The following GGCX variants were observed in gnomAD, a reference collection of about 807,000 sequenced individuals.
GGCX encodes the protein vitamin K-dependent gamma-carboxylase.
GGCX carries 63 observed loss-of-function variants against 88.5 expected under a neutral mutation model. The observed-to-expected ratio is 0.71, with a 90% CI of 0.58 to 0.88. The LOEUF is 0.88. Ranked by LOEUF, GGCX falls within the 40% of genes least tolerant of loss-of-function variation. The probability of loss-of-function intolerance (pLI) is 0.00; values close to 1 mark genes in which losing one functional copy is unlikely to be tolerated. For missense variants in GGCX, 805 were observed against 932.9 expected, an observed-to-expected ratio of 0.86 and a Z score of 1.79; for synonymous variants, 368 against 365.8, an observed-to-expected ratio of 1.01 and a Z score of -0.07.
chr2:85,558,610 G>C lies in GGCX; in HGVS notation c.374-5C>G. 6.2e-7 allele frequency: 1 copy of C among 1,610,614 alleles called. No homozygotes were observed. The highest frequency in any genetic ancestry group is 8.5e-7 in the Non-Finnish European group (1 of 1,176,772). ...CCAGCATCATGCCCAGTGCCCCTGGGATTTGTAGGGAGAGGATTAAGAGGT... is the reference window on the plus strand; with the variant it reads ...CCAGCATCATGCCCAGTGCCCCTGGCATTTGTAGGGAGAGGATTAAGAGGT... On this transcript the variant is annotated splice_polypyrimidine_tract_variant and splice_region_variant and intron_variant, in intron 3 of 14. Transcript: ENST00000233838.
At position 85,553,307 on chromosome 2, in the gene GGCX, A is replaced by C; in HGVS notation, c.1080T>G (p.His360Gln). 1 of 1,614,196 alleles carries C rather than the reference A, an allele frequency of 6.2e-7. No homozygotes were observed. The highest frequency in any genetic ancestry group is 8.5e-7 in the Non-Finnish European group (1 of 1,179,996). The change falls in exon 8 of 15, where the codon CAT becomes CAG. Residue 360 changes from histidine to glutamine, a missense_variant. His to Gln is a conservative substitution (Grantham distance 24, BLOSUM62 0). Transcript: ENST00000233838. ...GCAGGGTGAAGGCAGCTCCCAGCTG[A>C]TGGCGCAGCCCTGGCTTCTGGCCAC... Reference protein sequence around the residue: ...GKSGQKPGLRHQLGAAFTLLY... With the variant: ...GKSGQKPGLRQQLGAAFTLLY...
chr2:85,552,017 GCCAC>G, intron 10 of GGCX, 36 bp from the exon 11 acceptor site: 1 of 1,517,296 alleles, frequency 6.6e-7, no homozygotes, highest in Non-Finnish European at 9.2e-7. Flanking sequence ...GGACATCACA[GCCAC>G]CCACCCACCA....
At chr2:85,553,542 G>A (rs760439711) in intron 7 of GGCX, 45 bp from the exon 8 acceptor site, 1 of 1,600,808 alleles carries the variant, frequency 6.2e-7, no homozygotes, top group Non-Finnish European at 8.5e-7. Flanking sequence ...GTTTGGCTGG[G>A]CCTCTTCAAC....
intron 4 of GGCX, 127 bp from the exon 5 acceptor site, chr2:85,556,387 A>G: frequency 2.8e-6 from 2 of 704,210 alleles, no homozygotes; most frequent in South Asian, 3.0e-5. Flanking sequence ...GGTTATTCTG[A>G]GACCTTTTAG....
At chr2:85,554,616 C>T (rs1692126659) in intron 6 of GGCX, 1 of 426,530 alleles carries the variant, frequency 2.3e-6, no homozygotes, top group Non-Finnish European at 4.4e-6. Context: ...CAGGCACGTG[C>T]CACCACGCCT....
At position 85,554,132 on chromosome 2, in the gene GGCX, C is replaced by T. The variant is rs767764820; in HGVS notation, c.889+11G>A. The stretch of plus-strand genomic sequence containing the variant: ...GTGGTTCCTGTTTCCTCCCAGGCTA[C>T]AGGTACTGACCAATGCTGAAAAGCT... On this transcript the variant is annotated intron_variant, in intron 7 of 14. Transcript: ENST00000233838. The T allele has an allele frequency of 3.1e-6, 5 of 1,606,952 alleles. No homozygotes were observed. The highest frequency in any genetic ancestry group is 4.3e-6 in the Non-Finnish European group (5 of 1,173,370).
intron 2 of GGCX, 135 bp downstream of exon 2, chr2:85,560,680 T>A: frequency 1.2e-6 from 1 of 801,880 alleles, no homozygotes. Context: ...ATCCTAAACT[T>A]CGCAAAGACC....
Position 85,559,711 on chromosome 2 carries a change from G to A in GGCX, c.215-636C>T, listed in dbSNP as rs558316927. ...GCCTGGGCAACAAGATCGAAACTCC[G>A]TCTCAAAAAAAGAAAGAAAGAAAGA... On this transcript the variant is annotated intron_variant, in intron 2 of 14. Transcript: ENST00000233838. Among the ~76,000 whole-genome samples, 428 of 142,208 alleles carry A rather than the reference G, an allele frequency of 3.0e-3. 4 individuals carry two copies. The highest frequency in any genetic ancestry group is 4.8e-3 in the South Asian group (22 of 4,622). 93.3% of individuals were successfully genotyped at this position (142,208 alleles called of 152,430 possible).
At chr2:85,558,665 G>A (rs1692307748) in intron 3 of GGCX, 60 bp from the exon 4 acceptor site, 1 of 1,326,722 alleles carries the variant, frequency 7.5e-7, no homozygotes, top group East Asian at 2.3e-5. Flanking sequence ...CAGTTTCCCT[G>A]GACCAGGATA....
rs1376694447 is a variant in GGCX at position 85,558,933 on chromosome 2, G to A, written c.357C>T (p.Tyr119=). The part of the protein sequence containing the change: ...PLPLDWMYLV[Y]TIMFLGALGM... The stretch of plus-strand genomic sequence containing the variant: ...TCCCCTCACCCAGAAACATGATGGT[G>A]TAGACAAGATACATCCAGTCAAGTG... The change falls in exon 3 of 15, where the codon TAC becomes TAT. Residue 119 remains tyrosine, a synonymous_variant. Transcript: ENST00000233838. 5 of 1,613,718 alleles carry A rather than the reference G, an allele frequency of 3.1e-6. No individual in the cohort carries two copies. The highest frequency in any genetic ancestry group is 1.3e-5 in the African/African-American group (1 of 75,016).
rs895210499 is a variant in GGCX at position 85,548,977 on chromosome 2, A to G, written c.*957T>C. ...TATTCTGACTGCTCTCATAACTGCT[A>G]GTGAAACACTGGGTGTATATAGATA... On this transcript the variant is annotated 3_prime_UTR_variant, in exon 15 of 15. Transcript: ENST00000233838. 1 of 152,212 alleles carries G rather than the reference A, an allele frequency of 6.6e-6. No individual in the cohort carries two copies. Among genetic ancestry groups the G allele is most frequent in the Non-Finnish European group, 1.5e-5 (1 of 68,030 alleles). 9.4% of individuals were successfully genotyped at this position (152,212 alleles called of 1,614,324 possible). A position where few individuals can be genotyped will look rare whatever the true frequency, so the allele number is the denominator to read the frequency against.
chr2:85,557,519 G>T (rs1430656370), intron 4 of GGCX, among the ~76,000 whole-genome samples: 1 of 152,172 alleles, frequency 6.6e-6, no homozygotes, highest in Non-Finnish European at 1.5e-5. Context: ...ACTTTTCAGA[G>T]ATATTCTATC....
chr2:85,560,702 A>G (rs1430856691), intron 2 of GGCX, 113 bp downstream of exon 2: 5 of 864,234 alleles, frequency 5.8e-6, no homozygotes, highest in Non-Finnish European at 8.0e-6. Context: ...CTTCTTTTAT[A>G]CCAATGTCTT....
Position 85,561,458 on chromosome 2 carries a change from G to C in GGCX, c.-30C>G, listed in dbSNP as rs372002697. The C allele has an allele frequency of 2.2e-5, 34 of 1,536,130 alleles. No homozygotes were observed. The highest frequency in any genetic ancestry group is 2.6e-5 in the Non-Finnish European group (29 of 1,129,326). ...CTGCGGAGGAGGCAGGTGGGTCACA[G>C]CTGCCGCGTCTGAACGGAGGCCGCC... is the stretch of plus-strand genomic sequence containing the variant. On this transcript the variant is annotated 5_prime_UTR_variant, in exon 1 of 15. Coordinates refer to ENST00000233838, the MANE Select transcript of GGCX (RefSeq NM_000821.7).
Position 85,561,404 on chromosome 2 carries a change from G to C in GGCX, c.25C>G (p.Arg9Gly). The change falls in exon 1 of 15, where the codon CGG becomes GGG. Residue 9 changes from arginine to glycine, a missense_variant. Physicochemically the swap from Arg to Gly is moderately radical, Grantham distance 125 (BLOSUM62 -2). Transcript: ENST00000233838. MAVSAGSA[R>G]TSPSSDKVQK... Reference sequence around the variant, plus strand: ...AGCCTACCTGAGCTGGGCGAGGTCCGCGCGGACCCGGCAGACACCGCCATT... The same window carrying C: ...AGCCTACCTGAGCTGGGCGAGGTCCCCGCGGACCCGGCAGACACCGCCATT... 6.4e-7 allele frequency: 1 copy of C among 1,570,658 alleles called. No homozygotes were observed.
chr2:85,559,099 G>A, intron 2 of GGCX, 24 bp from the exon 3 acceptor site: 1 of 1,609,108 alleles, frequency 6.2e-7, no homozygotes, highest in Non-Finnish European at 8.5e-7. Context: ...AGGGGAGTTG[G>A]TCATTGGGCC....
intron 4 of GGCX, 29 bp downstream of exon 4, chr2:85,558,411 C>T (rs1472996951): frequency 8.7e-6 from 14 of 1,601,928 alleles, no homozygotes; most frequent in Non-Finnish European, 1.2e-5. Context: ...CCCAGCCAAC[C>T]CCTCCCCTTT....
rs1001617841 is a variant in GGCX at position 85,549,190 on chromosome 2, G to T, written c.*744C>A. On this transcript the variant is annotated 3_prime_UTR_variant, in exon 15 of 15. Transcript: ENST00000233838. The stretch of plus-strand genomic sequence containing the variant: ...GGACCTTAAGTCAAATAGACGTTAA[G>T]TTCAAACCATCAGTCCATTCGTCAC... 2.6e-5 allele frequency: 4 copies of T among 152,254 alleles called. No individual in the cohort carries two copies. Among genetic ancestry groups the T allele is most frequent in the African/African-American group, 9.7e-5 (4 of 41,446 alleles). 9.4% of individuals were successfully genotyped at this position (152,254 alleles called of 1,614,324 possible). A position where few individuals can be genotyped will look rare whatever the true frequency, so the allele number is the denominator to read the frequency against.
chr2:85,561,083 G>T, intron 1 of GGCX, 98 bp from the exon 2 acceptor site: 2 of 1,085,310 alleles, frequency 1.8e-6, no homozygotes, highest in South Asian at 1.2e-5. Flanking sequence ...CCGCCCACCC[G>T]GGTCGGCTCA....
Sources: gnomAD v4.1 joint callset for allele counts (sites outside exome capture counted in the v4.1 genomes callset) on GRCh38, gnomAD v4.1.1 for gene constraint, MANE v1.5 for transcripts, NCBI Gene and HGNC (gene_info 2026-07-23, HGNC 2026-07-21) for gene names.